Variants in MSR1 observed in about 807,000 individuals in gnomAD.
MSR1 encodes macrophage scavenger receptor 1, also known as macrophage scavenger receptor types I and II.
MSR1 carries 53 observed loss-of-function variants against 47.2 expected under a neutral mutation model. The ratio of observed to expected loss-of-function variants is 1.12; its 90% confidence interval spans 0.90 to 1.41. MSR1 has a LOEUF of 1.41. Ranked by LOEUF, MSR1 falls within the 40% of genes most tolerant of loss-of-function variation. MSR1 has a pLI of 0.00. For missense variants in MSR1, 786 were observed against 546.9 expected (o/e 1.44, Z -4.36); for synonymous variants, 239 against 185.6 (o/e 1.29, Z -2.34).
intron 5 of MSR1, among the ~76,000 whole-genome samples, chr8:16,163,572 A>C (rs1413173433): frequency 1.3e-5 from 2 of 151,364 alleles, no homozygotes; most frequent in East Asian, 3.9e-4. Context: ...CATATATTTT[A>C]TTTATATATA....
chr8:16,182,393 T>G (rs1359455500), intron 1 of MSR1, among the ~76,000 whole-genome samples: 2 of 152,176 alleles, frequency 1.3e-5, no homozygotes, highest in African/African-American at 2.4e-5. Flanking sequence ...AAATTTTATT[T>G]GTTCAATAAT....
At position 16,168,460 on chromosome 8, in the gene MSR1, C is replaced by T; in HGVS notation, c.628G>A (p.Glu210Lys). Residue 210 changes from glutamate (E) to lysine (K), a missense_variant and splice_region_variant, in exon 4 of 10, where the codon GAG (glutamate) becomes AAG (lysine). Physicochemically the swap from Glu to Lys is moderately conservative, Grantham distance 56 (BLOSUM62 1). Coordinates refer to ENST00000262101, the MANE Select transcript of MSR1 (RefSeq NM_138715.3). Reference protein sequence around the residue: ...KIQENTFKQQEEISKLEERVY... With the variant: ...KIQENTFKQQKEISKLEERVY... ...CCTTGCAGTCCACAAACTCTTACCT[C>T]TTGTTGTTTGAAGGTATTCTCTTGG... is the stretch of plus-strand genomic sequence containing the variant. 1.9e-6 allele frequency: 3 copies of T among 1,614,034 alleles called. No homozygotes were observed. The highest frequency in any genetic ancestry group is 2.2e-5 in the South Asian group (2 of 91,038).
At chr8:16,110,306 T>G in intron 9 of MSR1, 88 bp from the exon 10 acceptor site, 1 of 1,448,520 alleles carries the variant, frequency 6.9e-7, no homozygotes, top group Non-Finnish European at 9.6e-7. Flanking sequence ...CCTTCACTAA[T>G]TAAACAAAAA....
At chr8:16,169,874 A>G (rs1307368037) in intron 3 of MSR1, among the ~76,000 whole-genome samples, 2 of 151,010 alleles carry the variant, frequency 1.3e-5, no homozygotes, top group Non-Finnish European at 2.9e-5. Context: ...CTTGTGATTA[A>G]TTATTTCCCA....
intron 6 of MSR1, among the ~76,000 whole-genome samples, chr8:16,153,252 T>C (rs1800910370): frequency 6.6e-6 from 1 of 152,012 alleles, no homozygotes. Context: ...ACTCTTTGCT[T>C]CCTGATTTCG....
At chr8:16,146,527 AC>A (rs1206986362) in intron 7 of MSR1, among the ~76,000 whole-genome samples, 1 of 151,942 alleles carries the variant, frequency 6.6e-6, no homozygotes. Flanking sequence ...TTATCACCCC[AC>A]CCCACAGAAT....
chr8:16,174,814 T>C (rs1801592935), intron 3 of MSR1, among the ~76,000 whole-genome samples: 2 of 152,110 alleles, frequency 1.3e-5, no homozygotes, highest in Non-Finnish European at 2.9e-5. Flanking sequence ...TTAATGTAAA[T>C]GATCATCTTA....
chr8:16,157,502 C>A (rs1006931050), intron 5 of MSR1, among the ~76,000 whole-genome samples: 12 of 151,770 alleles, frequency 7.9e-5, no homozygotes, highest in African/African-American at 2.9e-4. Context: ...GTTGAATGTA[C>A]CTTTTTATTG....
rs1336725490 is a variant in MSR1, at chr8:16,108,817, A to C, written c.*1268T>G. 1 of 152,168 alleles carries C rather than the reference A, an allele frequency of 6.6e-6. No homozygotes were observed. The allele number at this position is 152,168 out of a possible 1,614,324, so 9.4% of individuals were successfully genotyped here. ...TGGTTATTATGTGTGGTGAGACTTC[A>C]GAATATGAAAAAATGCTTAAGCTTA... On this transcript the variant is annotated 3_prime_UTR_variant, in exon 10 of 10. Transcript: ENST00000262101.
chr8:16,131,451 T>TTTTGTTTTTTTTTG (rs1554464351), intron 8 of MSR1, among the ~76,000 whole-genome samples: 1 of 147,858 alleles, frequency 6.8e-6, no homozygotes, highest in African/African-American at 2.5e-5. Context: ...GTTTTTTTTT[T>TTTTGTTTTTTTTTG]TTTTTTTTTT....
intron 9 of MSR1, among the ~76,000 whole-genome samples, chr8:16,112,760 A>G (rs1466053545): frequency 1.3e-5 from 2 of 151,746 alleles, no homozygotes; most frequent in African/African-American, 2.4e-5. Flanking sequence ...TATTCTTTCT[A>G]TTCGGTGGAA....
chr8:16,189,914 C>CTTT (rs1743234674), intron 1 of MSR1, among the ~76,000 whole-genome samples: 2 of 129,746 alleles, frequency 1.5e-5, no homozygotes, highest in African/African-American at 6.6e-5. Flanking sequence ...ATAAATATTT[C>CTTT]CTTTTTTTTT....
chr8:16,123,656 C>G (rs1234699050), intron 8 of MSR1, among the ~76,000 whole-genome samples: 2 of 151,638 alleles, frequency 1.3e-5, no homozygotes, highest in African/African-American at 4.8e-5. Flanking sequence ...ACATTCAAAT[C>G]AAATAAACAC....
intron 8 of MSR1, chr8:16,139,463 T>C (rs1193004088): frequency 1.0e-6 from 1 of 980,984 alleles, no homozygotes; most frequent in Admixed American, 6.2e-5. Flanking sequence ...CACAGAGGCA[T>C]ACCATCTAGA....
chr8:16,167,659 C>T (rs969617588), intron 4 of MSR1, among the ~76,000 whole-genome samples: 2 of 152,176 alleles, frequency 1.3e-5, no homozygotes, highest in African/African-American at 4.8e-5. Context: ...TTCCCTCTGT[C>T]CTTACCTCAT....
At chr8:16,150,951 C>T (rs540797961) in intron 6 of MSR1, among the ~76,000 whole-genome samples, 3 of 151,628 alleles carry the variant, frequency 2.0e-5, no homozygotes, top group South Asian at 4.2e-4. Context: ...GTTTCATATG[C>T]TTAAATGAAA....
Position 16,164,124 on chromosome 8 carries a change from T to C in MSR1, c.758A>G (p.Asp253Gly). Residue 253 changes from aspartate (D) to glycine (G), a missense_variant, in exon 5 of 10, where the codon GAT (aspartate) becomes GGT (glycine). By Grantham distance (94) the Asp-to-Gly change is moderately conservative. Transcript: ENST00000262101. ...EVKVLNNITN[D>G]LRLKDWEHSQ... ...ATGTTCCCAATCTTTCAGTCTGAGA[T>C]CATTAGTGATGTTATTCAGTACTTT... The C allele has an allele frequency of 6.2e-7, 1 of 1,612,040 alleles. No homozygotes were observed. Among genetic ancestry groups the C allele is most frequent in the Non-Finnish European group, 8.5e-7 (1 of 1,178,674 alleles).
intron 5 of MSR1, among the ~76,000 whole-genome samples, chr8:16,157,190 G>C (rs183869490): frequency 1.3e-5 from 2 of 152,028 alleles, no homozygotes; most frequent in African/African-American, 4.8e-5. Context: ...GGGACACAGA[G>C]AATAGATCTA....
intron 9 of MSR1, among the ~76,000 whole-genome samples, chr8:16,110,654 G>T (rs970118100): frequency 6.6e-6 from 1 of 152,100 alleles, no homozygotes; most frequent in Non-Finnish European, 1.5e-5. Flanking sequence ...CCGGAAAAAG[G>T]AAAACTTAAT....
Sources: gnomAD v4.1 joint callset for allele counts (sites outside exome capture counted in the v4.1 genomes callset) on GRCh38, gnomAD v4.1.1 for gene constraint, MANE v1.5 for transcripts, NCBI Gene and HGNC (gene_info 2026-07-23, HGNC 2026-07-21) for gene names.